The following CDH18 variants were observed in gnomAD, a reference collection of about 807,000 sequenced individuals.
CDH18 encodes the protein cadherin-18.
In CDH18, 31 loss-of-function variants were observed where a neutral mutation model predicts 67.9. That is an observed-to-expected ratio of 0.46 (90% CI 0.34 to 0.62). CDH18 has a LOEUF of 0.62. Ranked by LOEUF, CDH18 falls within the 20% of genes least tolerant of loss-of-function variation. The probability of loss-of-function intolerance (pLI) is 0.01; values close to 1 mark genes in which losing one functional copy is unlikely to be tolerated. For synonymous variants in CDH18, 362 were observed against 347.2 expected (o/e 1.04, Z -0.48); for missense variants, 890 against 975.5 (o/e 0.91, Z 1.17).
At chr5:19,798,302 C>A (rs527575253) in intron 3 of CDH18, among the ~76,000 whole-genome samples, 2 of 151,864 alleles carry the variant, frequency 1.3e-5, no homozygotes, top group East Asian at 3.9e-4. Context: ...AAAAATATTG[C>A]CAATGAGGGG....
chr5:20,380,711 G>T (rs12110309), intron 1 of CDH18, among the ~76,000 whole-genome samples: 24,010 of 151,982 alleles, frequency 0.16, 3,394 homozygotes, highest in East Asian at 0.42. Flanking sequence ...TCAACTTCTG[G>T]TGCTTAACAC....
At chr5:20,271,072 G>T (rs932870706) in intron 1 of CDH18, among the ~76,000 whole-genome samples, 9 of 151,916 alleles carry the variant, frequency 5.9e-5, no homozygotes, top group African/African-American at 1.9e-4. Flanking sequence ...AATTTGTGCA[G>T]CAAACTTCCA....
At chr5:20,253,851 C>T (rs984517105) in intron 2 of CDH18, among the ~76,000 whole-genome samples, 3 of 152,170 alleles carry the variant, frequency 2.0e-5, no homozygotes, top group Non-Finnish European at 4.4e-5. Flanking sequence ...AAAAATCTCT[C>T]TAATTTCCCT....
chr5:19,645,764 C>A (rs1242596539), intron 5 of CDH18, among the ~76,000 whole-genome samples: 1 of 152,128 alleles, frequency 6.6e-6, no homozygotes, highest in Non-Finnish European at 1.5e-5. Context: ...CCATTAACAT[C>A]TCATTACCCT....
chr5:19,832,188 C>A (rs745431585), intron 3 of CDH18, among the ~76,000 whole-genome samples: 31 of 151,986 alleles, frequency 2.0e-4, no homozygotes, highest in Non-Finnish European at 4.1e-4. Context: ...TTTGATCACA[C>A]CCCAAACCTC....
At chr5:20,079,114 A>G (rs188877571) in intron 2 of CDH18, among the ~76,000 whole-genome samples, 2 of 152,262 alleles carry the variant, frequency 1.3e-5, no homozygotes, top group Admixed American at 6.5e-5. Context: ...ACAATCCACT[A>G]TCATTAACTA....
intron 2 of CDH18, among the ~76,000 whole-genome samples, chr5:20,153,826 T>C (rs1269630044): frequency 6.6e-6 from 1 of 152,200 alleles, no homozygotes. Context: ...ATGACCTTAT[T>C]TTATAATAAG....
chr5:19,998,362 T>C (rs1736173988), intron 2 of CDH18, among the ~76,000 whole-genome samples: 2 of 152,176 alleles, frequency 1.3e-5, no homozygotes, highest in African/African-American at 4.8e-5. Flanking sequence ...ATGGGTGTGA[T>C]GAGCAAGGGA....
chr5:20,175,663 T>G (rs908123702), intron 2 of CDH18, among the ~76,000 whole-genome samples: 2 of 152,074 alleles, frequency 1.3e-5, no homozygotes, highest in South Asian at 2.1e-4. Flanking sequence ...TAGATACATA[T>G]AAAACTGAGG....
In CDH18 at chr5:20,042,956, C is replaced by T. The variant is rs553744074; in HGVS notation, c.-517-50942G>A. Reference sequence around the variant, plus strand: ...CAGCCTGGGCGACAGAGCCAGACTCCGTCTCAAAAAAATTAATTAATTAAT... The same window carrying T: ...CAGCCTGGGCGACAGAGCCAGACTCTGTCTCAAAAAAATTAATTAATTAAT... On this transcript the variant is annotated intron_variant, in intron 2 of 14. Coordinates refer to the CDH18 transcript ENST00000507958. Among the ~76,000 whole-genome samples, 8 of 151,438 alleles carry T rather than the reference C, an allele frequency of 5.3e-5. No homozygotes were observed. The East Asian group carries it at 5.9e-4, about 11-fold the overall frequency.
In CDH18 at chr5:19,760,182, T is replaced by C. The variant is rs116530883; in HGVS notation, c.229-12946A>G. 7.1e-3 allele frequency among the ~76,000 whole-genome samples: 1,086 copies of C among 152,232 alleles called. 8 individuals carry two copies. The highest frequency in any genetic ancestry group is 0.011 in the Non-Finnish European group (726 of 68,014). ...CCACCTTGGGATCAAATTATTCCCA[T>C]TGTATTTAAATTTTATAGTTGAATA... On this transcript the variant is annotated intron_variant, in intron 3 of 12. Transcript: ENST00000382275.
intron 2 of CDH18, among the ~76,000 whole-genome samples, chr5:19,932,915 G>T (rs984070758): frequency 2.0e-5 from 3 of 151,532 alleles, no homozygotes; most frequent in South Asian, 4.1e-4. Context: ...GACTGAAAAA[G>T]AATCCACATA....
intron 2 of CDH18, among the ~76,000 whole-genome samples, chr5:20,006,300 AG>A (rs1561706753): frequency 6.6e-6 from 1 of 151,884 alleles, no homozygotes; most frequent in African/African-American, 2.4e-5. Flanking sequence ...CCACAGAAGT[AG>A]GGAGTTAATA....
intron 2 of CDH18, among the ~76,000 whole-genome samples, chr5:20,021,576 C>T (rs1738426498): frequency 1.3e-5 from 2 of 152,046 alleles, no homozygotes; most frequent in African/African-American, 4.8e-5. Context: ...TGGCACCTTC[C>T]CCTTCAGTCT....
chr5:19,608,767 T>C (rs1240580286), intron 6 of CDH18, among the ~76,000 whole-genome samples: 2 of 151,816 alleles, frequency 1.3e-5, no homozygotes, highest in African/African-American at 2.4e-5. Context: ...AACATAATGA[T>C]AGCAAATTTC....
At chr5:20,258,776 C>T (rs1744431566) in intron 1 of CDH18, among the ~76,000 whole-genome samples, 2 of 152,028 alleles carry the variant, frequency 1.3e-5, no homozygotes, top group Non-Finnish European at 2.9e-5. Context: ...TACCCTAATA[C>T]TACAGGAATG....
At chr5:20,376,090 A>ATTTTTTTTTTTTTTTTTTTTTTTT (rs1562014136) in intron 1 of CDH18, among the ~76,000 whole-genome samples, 1 of 16,880 alleles carries the variant, frequency 5.9e-5, no homozygotes, top group East Asian at 1.7e-3. Flanking sequence ...AAAAAGAAAC[A>ATTTTTTTTTTTTTTTTTTTTTTTT]ATTTTTTTTT....
chr5:20,250,180 A>G (rs1743722817), intron 2 of CDH18, among the ~76,000 whole-genome samples: 1 of 152,222 alleles, frequency 6.6e-6, no homozygotes, highest in African/African-American at 2.4e-5. Context: ...ATTTACAAAG[A>G]CAATTTGTGT....
intron 1 of CDH18, among the ~76,000 whole-genome samples, chr5:20,259,931 A>G (rs1246917177): frequency 6.6e-6 from 1 of 152,070 alleles, no homozygotes; most frequent in East Asian, 2.0e-4. Flanking sequence ...AAGTGGCAAG[A>G]GATGCCTACC....
Sources: gnomAD v4.1 joint callset for allele counts (sites outside exome capture counted in the v4.1 genomes callset) on GRCh38, gnomAD v4.1.1 for gene constraint, MANE v1.5 for transcripts, NCBI Gene and HGNC (gene_info 2026-07-23, HGNC 2026-07-21) for gene names.